FNDC3B: variants seen among roughly 807,000 people sequenced by gnomAD.
The protein encoded by FNDC3B is fibronectin type III domain containing 3B, also known as fibronectin type III domain-containing protein 3B.
Under a neutral mutation model 151.5 loss-of-function variants are expected in FNDC3B, and 12 were observed. The observed-to-expected ratio is 0.08, with a 90% confidence interval of 0.05 to 0.13. The LOEUF is 0.13. Ranked by LOEUF, FNDC3B falls within the 10% of genes least tolerant of loss-of-function variation. FNDC3B has a pLI of 1.00. For synonymous variants in FNDC3B, 528 were observed against 549.0 expected, an observed-to-expected ratio of 0.96 and a Z score of 0.54; for missense variants, 1,214 against 1,505.3, an observed-to-expected ratio of 0.81 and a Z score of 3.20.
intron 6 of FNDC3B, among the ~76,000 whole-genome samples, chr3:172,262,763 T>G (rs1434311423): frequency 1.3e-5 from 2 of 151,490 alleles, no homozygotes; most frequent in Non-Finnish European, 2.9e-5. Flanking sequence ...CTGGATGTGG[T>G]GGGCATGCCT....
chr3:172,139,298 T>A (rs1317575205), intron 3 of FNDC3B, among the ~76,000 whole-genome samples: 1 of 152,240 alleles, frequency 6.6e-6, no homozygotes, highest in African/African-American at 2.4e-5. Context: ...GGTTGTCTCT[T>A]GCTTTGTTTA....
At chr3:172,155,538 A>G (rs4611848) in intron 3 of FNDC3B, among the ~76,000 whole-genome samples, 8,425 of 152,230 alleles carry the variant, frequency 0.055, 685 homozygotes, top group African/African-American at 0.18. Flanking sequence ...AGGTAGGTGG[A>G]CTTGTGATTA....
intron 1 of FNDC3B, among the ~76,000 whole-genome samples, chr3:172,107,936 G>A (rs1257716773): frequency 2.0e-5 from 3 of 152,078 alleles, no homozygotes; most frequent in African/African-American, 4.8e-5. Flanking sequence ...TTGGGAGGCC[G>A]AGGCGGGCGG....
chr3:172,057,645 A>G (rs1157567485), intron 1 of FNDC3B, among the ~76,000 whole-genome samples: 1 of 151,322 alleles, frequency 6.6e-6, no homozygotes, highest in Non-Finnish European at 1.5e-5. Flanking sequence ...TGAATGAGCT[A>G]GTGTTAGACT....
chr3:172,288,769 A>G (rs1730155232), intron 7 of FNDC3B, among the ~76,000 whole-genome samples: 1 of 152,194 alleles, frequency 6.6e-6, no homozygotes, highest in Non-Finnish European at 1.5e-5. Flanking sequence ...TTTGATGAAA[A>G]TCACCTGATA....
At chr3:172,172,546 G>C (rs1205231102) in intron 3 of FNDC3B, among the ~76,000 whole-genome samples, 1 of 152,176 alleles carries the variant, frequency 6.6e-6, no homozygotes, top group Non-Finnish European at 1.5e-5. Context: ...ATATCTGACT[G>C]GTCCCAGGGA....
At chr3:172,242,941 T>C (rs1672180693) in intron 4 of FNDC3B, among the ~76,000 whole-genome samples, 1 of 152,218 alleles carries the variant, frequency 6.6e-6, no homozygotes, top group Non-Finnish European at 1.5e-5. Flanking sequence ...TCTTGAAGGC[T>C]CTGCTGCTTA....
At position 172,039,666 on chromosome 3, in the gene FNDC3B, G is replaced by T; in HGVS notation, c.-134G>T. On this transcript the variant is annotated 5_prime_UTR_variant, in exon 1 of 26. Transcript: ENST00000415807. ...CTGGAGGAGGAGAGCGGCGGCGGCG[G>T]GAGCAGCGAAGGGGGCGGCAGGGAT... The T allele has an allele frequency of 6.0e-6, 1 of 165,586 alleles. No homozygotes were observed. The highest frequency in any genetic ancestry group is 1.5e-4 in the South Asian group (1 of 6,890). The allele number at this position is 165,586 out of a possible 1,614,324, so 10.3% of individuals were successfully genotyped here. A position where few individuals can be genotyped will look rare whatever the true frequency, so the allele number is the denominator to read the frequency against.
intron 6 of FNDC3B, among the ~76,000 whole-genome samples, chr3:172,279,254 G>A (rs1323001100): frequency 6.6e-6 from 1 of 152,074 alleles, no homozygotes; most frequent in Non-Finnish European, 1.5e-5. Context: ...ATCCTGTCCA[G>A]TGAATTCCAG....
intron 16 of FNDC3B, among the ~76,000 whole-genome samples, chr3:172,340,080 G>A (rs373983544): frequency 1.3e-5 from 2 of 152,206 alleles, no homozygotes; most frequent in East Asian, 1.9e-4. Flanking sequence ...TAAAACAGAG[G>A]AGTGAAGAGC....
At chr3:172,133,652 A>G (rs756280555) in intron 3 of FNDC3B, 106 bp downstream of exon 3, 4 of 823,112 alleles carry the variant, frequency 4.9e-6, no homozygotes, top group South Asian at 2.7e-5. Context: ...GAAGTAAAGT[A>G]TATCTTGGAT....
At chr3:172,310,644 C>T (rs902791599) in intron 10 of FNDC3B, among the ~76,000 whole-genome samples, 184 bp from the exon 11 acceptor site, 1 of 152,206 alleles carries the variant, frequency 6.6e-6, no homozygotes, top group African/African-American at 2.4e-5. Flanking sequence ...ACTCTCTCTA[C>T]TGTTGAGGTA....
intron 11 of FNDC3B, among the ~76,000 whole-genome samples, chr3:172,316,152 C>T (rs999242527): frequency 2.0e-5 from 3 of 151,774 alleles, no homozygotes; most frequent in Admixed American, 6.6e-5. Flanking sequence ...AGATTACAGG[C>T]GTCTGCCACC....
chr3:172,239,856 CTTTTT>C (rs71179981), intron 4 of FNDC3B, among the ~76,000 whole-genome samples: 18 of 49,926 alleles, frequency 3.6e-4, no homozygotes, highest in Admixed American at 1.6e-3. Context: ...CATTTTAGTT[CTTTTT>C]TTTTTTTTTT....
chr3:172,249,738 G>A (rs1224098415), intron 5 of FNDC3B, among the ~76,000 whole-genome samples: 2 of 152,056 alleles, frequency 1.3e-5, no homozygotes, highest in African/African-American at 2.4e-5. Context: ...CTCTGAATAG[G>A]ATTATATTTG....
At chr3:172,354,903 A>G (rs1483353398) in intron 22 of FNDC3B, among the ~76,000 whole-genome samples, 1 of 146,874 alleles carries the variant, frequency 6.8e-6, no homozygotes, top group African/African-American at 2.5e-5. Flanking sequence ...CAGCAGTTAC[A>G]TATTGTTCTC....
intron 3 of FNDC3B, among the ~76,000 whole-genome samples, chr3:172,178,595 G>C (rs894776908): frequency 1.1e-4 from 16 of 152,184 alleles, no homozygotes; most frequent in African/African-American, 3.6e-4. Flanking sequence ...TATGGGGGTA[G>C]CAGGAAAAGA....
chr3:172,141,986 A>C (rs1287594828), intron 3 of FNDC3B, among the ~76,000 whole-genome samples: 7 of 152,248 alleles, frequency 4.6e-5, no homozygotes, highest in Non-Finnish European at 7.3e-5. Context: ...TGCCTGGCTC[A>C]AAAATCCCCT....
intron 4 of FNDC3B, among the ~76,000 whole-genome samples, chr3:172,230,130 A>G (rs1726811019): frequency 6.6e-6 from 1 of 152,188 alleles, no homozygotes; most frequent in Non-Finnish European, 1.5e-5. Flanking sequence ...ATGAGCAACA[A>G]GAGAAAAAAA....
Sources: gnomAD v4.1 joint callset for allele counts (sites outside exome capture counted in the v4.1 genomes callset) on GRCh38, gnomAD v4.1.1 for gene constraint, MANE v1.5 for transcripts, NCBI Gene and HGNC (gene_info 2026-07-23, HGNC 2026-07-21) for gene names.